The following SPOCK1 variants were observed in gnomAD, a reference collection of about 807,000 sequenced individuals.
The protein encoded by SPOCK1 is SPARC (osteonectin), cwcv and kazal like domains proteoglycan 1, also known as testican-1.
Under a neutral mutation model 55.3 loss-of-function variants are expected in SPOCK1, and 23 were observed. The observed-to-expected ratio is 0.42, with a 90% confidence interval of 0.30 to 0.59. The LOEUF (loss-of-function observed/expected upper bound fraction) is 0.59, where lower values mean the gene tolerates loss of function less well. SPOCK1 is among the 20% of genes least tolerant of loss of function. The pLI is 0.22. For synonymous variants in SPOCK1, 226 were observed against 221.0 expected (o/e 1.02, Z -0.20); for missense variants, 499 against 552.5 (o/e 0.90, Z 0.97).
At chr5:137,496,796 A>C (rs1196039350) in intron 2 of SPOCK1, among the ~76,000 whole-genome samples, 2 of 152,146 alleles carry the variant, frequency 1.3e-5, no homozygotes, top group Non-Finnish European at 2.9e-5. Flanking sequence ...CAGGAATCTC[A>C]CTGGGGTAGG....
At chr5:137,289,800 T>C (rs1757334752) in intron 2 of SPOCK1, among the ~76,000 whole-genome samples, 1 of 152,086 alleles carries the variant, frequency 6.6e-6, no homozygotes, top group African/African-American at 2.4e-5. Flanking sequence ...GGCTTGCATA[T>C]AGAACTTATA....
At chr5:137,024,320 G>GGGGC (rs1751630456) in intron 6 of SPOCK1, among the ~76,000 whole-genome samples, 1 of 147,680 alleles carries the variant, frequency 6.8e-6, no homozygotes, top group Non-Finnish European at 1.5e-5. Context: ...TTGAAGGGGG[G>GGGGC]GGGGTAGTTA....
At chr5:137,475,507 T>C (rs981420914) in intron 2 of SPOCK1, among the ~76,000 whole-genome samples, 3 of 152,242 alleles carry the variant, frequency 2.0e-5, no homozygotes, top group Non-Finnish European at 2.9e-5. Flanking sequence ...ATGTTAAATT[T>C]CTTAGGTCTG....
At chr5:136,993,429 T>C (rs959451260) in intron 6 of SPOCK1, among the ~76,000 whole-genome samples, 2 of 152,136 alleles carry the variant, frequency 1.3e-5, no homozygotes, top group Non-Finnish European at 2.9e-5. Context: ...CCTCAGGGCA[T>C]ACGCTAATTC....
chr5:137,091,571 A>C (rs1321060685), intron 5 of SPOCK1, among the ~76,000 whole-genome samples: 1 of 152,208 alleles, frequency 6.6e-6, no homozygotes, highest in South Asian at 2.1e-4. Context: ...AGCCACATTT[A>C]ATTTAATTGC....
At chr5:137,149,133 G>A (rs1214519131) in intron 3 of SPOCK1, among the ~76,000 whole-genome samples, 1 of 152,190 alleles carries the variant, frequency 6.6e-6, no homozygotes, top group African/African-American at 2.4e-5. Flanking sequence ...AACTCCCTCT[G>A]ACTTAAGAAA....
chr5:137,333,611 C>G (rs1458009719), intron 2 of SPOCK1, among the ~76,000 whole-genome samples: 1 of 152,188 alleles, frequency 6.6e-6, no homozygotes, highest in Non-Finnish European at 1.5e-5. Context: ...GTGAGAAACT[C>G]TTATCTGCAG....
At chr5:137,221,596 T>G (rs1414828450) in intron 3 of SPOCK1, among the ~76,000 whole-genome samples, 1 of 152,188 alleles carries the variant, frequency 6.6e-6, no homozygotes, top group Non-Finnish European at 1.5e-5. Context: ...ATGACTGAGA[T>G]GACAATAGAT....
intron 3 of SPOCK1, among the ~76,000 whole-genome samples, chr5:137,224,175 A>G (rs1755906826): frequency 6.6e-6 from 1 of 152,218 alleles, no homozygotes; most frequent in African/African-American, 2.4e-5. Flanking sequence ...ACTTTTCTAC[A>G]GGGAAATTAA....
intron 9 of SPOCK1, among the ~76,000 whole-genome samples, chr5:136,981,074 A>G (rs1750721448): frequency 6.6e-6 from 1 of 152,194 alleles, no homozygotes; most frequent in African/African-American, 2.4e-5. Context: ...CAGGACAAGC[A>G]GCAGTGGCAC....
chr5:137,170,935 G>A (rs1421718861), intron 3 of SPOCK1, among the ~76,000 whole-genome samples: 1 of 152,118 alleles, frequency 6.6e-6, no homozygotes, highest in Non-Finnish European at 1.5e-5. Context: ...GGCCTCCTGT[G>A]GGTGACTGCA....
intron 2 of SPOCK1, among the ~76,000 whole-genome samples, chr5:137,361,266 T>C (rs1750937021): frequency 6.6e-6 from 1 of 152,210 alleles, no homozygotes; most frequent in African/African-American, 2.4e-5. Flanking sequence ...CAGTCTATGG[T>C]ATTTTGTTAT....
intron 5 of SPOCK1, among the ~76,000 whole-genome samples, chr5:137,076,607 T>TAAAAAAAAAAAAAAA (rs35285273): frequency 1.8e-5 from 2 of 112,666 alleles, no homozygotes; most frequent in Admixed American, 8.6e-5. Context: ...GGACTGAAAG[T>TAAAAAAAAAAAAAAA]AAAAAAAAAA....
At position 137,308,070 on chromosome 5, in the gene SPOCK1, G is replaced by A. The variant is rs143566553; in HGVS notation, c.187-41015C>T. ...GTTAGTAAATGCTCAACAAACAGCA[G>A]GTGCTGTTAGCCTTCCTATTATCTC... is the stretch of plus-strand genomic sequence containing the variant. On this transcript the variant is annotated intron_variant, in intron 2 of 10. Transcript: ENST00000394945. Among the ~76,000 whole-genome samples the A allele has an allele frequency of 1.4e-3, 213 of 152,328 alleles. 4 individuals are homozygous for A. Among genetic ancestry groups the A allele is most frequent in the Middle Eastern group, 0.014 (4 of 294 alleles).
intron 3 of SPOCK1, among the ~76,000 whole-genome samples, chr5:137,165,474 T>C (rs536555319): frequency 1.4e-4 from 22 of 152,300 alleles, no homozygotes; most frequent in Non-Finnish European, 2.8e-4. Flanking sequence ...CTGCAAAGAC[T>C]GCAGTAAATA....
At chr5:137,005,145 A>AAGAT (rs919598609) in intron 6 of SPOCK1, among the ~76,000 whole-genome samples, 2 of 152,214 alleles carry the variant, frequency 1.3e-5, no homozygotes, top group African/African-American at 4.8e-5. Context: ...AGAAACAGAA[A>AAGAT]AGATAGGACC....
chr5:137,449,106 C>A (rs535553769), intron 2 of SPOCK1, among the ~76,000 whole-genome samples: 2 of 152,308 alleles, frequency 1.3e-5, no homozygotes, highest in East Asian at 3.9e-4. Flanking sequence ...TGGCTTCAGC[C>A]CCCAGGACAG....
At chr5:137,030,844 A>C (rs945094753) in intron 6 of SPOCK1, among the ~76,000 whole-genome samples, 3 of 152,224 alleles carry the variant, frequency 2.0e-5, no homozygotes, top group African/African-American at 7.2e-5. Flanking sequence ...CCTGGCAACT[A>C]GTTAAACACA....
intron 6 of SPOCK1, among the ~76,000 whole-genome samples, chr5:137,039,868 C>A (rs1002638535): frequency 6.6e-6 from 1 of 152,222 alleles, no homozygotes; most frequent in Non-Finnish European, 1.5e-5. Flanking sequence ...TTCACCTGAA[C>A]AACAGCTTCC....
Sources: allele counts gnomAD v4.1 joint callset (sites outside exome capture counted in the v4.1 genomes callset), GRCh38; gene constraint gnomAD v4.1.1; transcripts MANE v1.5; gene names NCBI Gene and HGNC (gene_info 2026-07-23, HGNC 2026-07-21).